PPP1R21: variants seen among roughly 807,000 people sequenced by gnomAD.
PPP1R21 encodes the protein KLRAQ motif containing 1.
In PPP1R21, 85 loss-of-function variants were observed where a neutral mutation model predicts 112.8. The observed-to-expected ratio is 0.75, with a 90% CI of 0.63 to 0.90. The LOEUF is 0.90. PPP1R21 is among the 40% of genes least tolerant of loss of function. The pLI is 0.00. For synonymous variants in PPP1R21, 381 were observed against 322.3 expected (o/e 1.18, Z -1.95); for missense variants, 1,199 against 901.5 (o/e 1.33, Z -4.23).
chr2:48,450,858 C>T, intron 1 of PPP1R21, 150 bp from the exon 2 acceptor site: 1 of 572,738 alleles, frequency 1.7e-6, no homozygotes, highest in Non-Finnish European at 3.2e-6. Flanking sequence ...ATCTACTACC[C>T]TCTTTGGGTC....
chr2:48,485,376 G>A (rs775410074), intron 13 of PPP1R21, among the ~76,000 whole-genome samples: 4 of 151,730 alleles, frequency 2.6e-5, no homozygotes, highest in Non-Finnish European at 4.4e-5. Context: ...TTATGACTAT[G>A]TTGAGCATAA....
intron 13 of PPP1R21, among the ~76,000 whole-genome samples, chr2:48,481,239 G>A (rs1013078353): frequency 2.0e-5 from 3 of 152,148 alleles, no homozygotes; most frequent in East Asian, 1.9e-4. Context: ...CCCACCTGCC[G>A]TGGCCTCCCA....
At chr2:48,469,460 T>C in intron 9 of PPP1R21, among the ~76,000 whole-genome samples, 1 of 40,274 alleles carries the variant, frequency 2.5e-5, no homozygotes, top group Admixed American at 3.0e-4. Context: ...AGCATATATA[T>C]ATATAGAGCA....
chr2:48,460,757 T>A (rs1399595015), intron 6 of PPP1R21, among the ~76,000 whole-genome samples: 1 of 152,196 alleles, frequency 6.6e-6, no homozygotes, highest in Non-Finnish European at 1.5e-5. Flanking sequence ...TAATACAGTA[T>A]GTACTTAAAA....
At chr2:48,481,963 G>C (rs897116758) in intron 13 of PPP1R21, among the ~76,000 whole-genome samples, 1 of 152,120 alleles carries the variant, frequency 6.6e-6, no homozygotes, top group Non-Finnish European at 1.5e-5. Flanking sequence ...ATATGTATAA[G>C]GTATATATGA....
intron 18 of PPP1R21, among the ~76,000 whole-genome samples, chr2:48,507,052 A>G (rs566657780): frequency 6.6e-6 from 1 of 152,152 alleles, no homozygotes; most frequent in Non-Finnish European, 1.5e-5. Flanking sequence ...TTGAAGCCAT[A>G]ACTTCATTCT....
At chr2:48,458,073 A>G (rs761612527) in intron 3 of PPP1R21, 53 bp from the exon 4 acceptor site, 2 of 1,134,910 alleles carry the variant, frequency 1.8e-6, no homozygotes, top group African/African-American at 1.5e-5. Context: ...GTACCTTAGG[A>G]TGTTTCTCTA....
At chr2:48,468,434 A>G (rs1177931166) in intron 9 of PPP1R21, among the ~76,000 whole-genome samples, 2 of 152,198 alleles carry the variant, frequency 1.3e-5, no homozygotes, top group African/African-American at 4.8e-5. Context: ...TGTGGGAAAA[A>G]GCTTTCAGAA....
At chr2:48,445,075 T>G (rs1326158464) in intron 1 of PPP1R21, among the ~76,000 whole-genome samples, 1 of 151,350 alleles carries the variant, frequency 6.6e-6, no homozygotes, top group African/African-American at 2.4e-5. Flanking sequence ...ACCTGATTTA[T>G]CACCTACTTT....
intron 13 of PPP1R21, among the ~76,000 whole-genome samples, chr2:48,485,140 A>G (rs1027633603): frequency 2.6e-5 from 4 of 152,160 alleles, no homozygotes; most frequent in African/African-American, 9.7e-5. Context: ...GAGTTCTGAA[A>G]ATAGAATTAC....
rs1670427782 is a variant in PPP1R21 at position 48,507,320 on chromosome 2, A to G, written c.2020A>G (p.Arg674Gly). Reference protein sequence around the residue: ...EDLIKNHYMARIVELTSQLQL... With the variant: ...EDLIKNHYMAGIVELTSQLQL... ...CTTAATTAAAAATCACTACATGGCA[A>G]GGATAGTGGAACTTACGTCTCAGTT... Residue 674 changes from arginine (R) to glycine (G), a missense_variant, in exon 19 of 22, where the codon AGG (arginine) becomes GGG (glycine). By Grantham distance (125) the Arg-to-Gly change is moderately radical (BLOSUM62 -2). Transcript: ENST00000294952. 1 of 1,590,050 alleles carries G rather than the reference A, an allele frequency of 6.3e-7. No homozygotes were observed. Among genetic ancestry groups the G allele is most frequent in the Non-Finnish European group, 8.5e-7 (1 of 1,171,788 alleles).
intron 17 of PPP1R21, among the ~76,000 whole-genome samples, chr2:48,503,713 C>T (rs1438262805): frequency 2.0e-5 from 3 of 151,534 alleles, no homozygotes; most frequent in Admixed American, 6.6e-5. Flanking sequence ...TTTGGGAGGC[C>T]GAGGCGGGTG....
chr2:48,505,682 C>G, intron 18 of PPP1R21, 86 bp downstream of exon 18: 1 of 1,163,024 alleles, frequency 8.6e-7, no homozygotes, highest in South Asian at 1.3e-5. Context: ...CCATCTTTGT[C>G]TAATTGTTGT....
chr2:48,462,425 T>C (rs979247059), intron 7 of PPP1R21, among the ~76,000 whole-genome samples: 4 of 152,232 alleles, frequency 2.6e-5, no homozygotes, highest in African/African-American at 9.6e-5. Context: ...GAAGGACATG[T>C]TACTGCTGGT....
chr2:48,500,810 G>C (rs1670076832), intron 17 of PPP1R21, among the ~76,000 whole-genome samples: 2 of 152,140 alleles, frequency 1.3e-5, no homozygotes, highest in South Asian at 4.1e-4. Flanking sequence ...TCGGGAGGCT[G>C]AGACAGGAGA....
intron 11 of PPP1R21, chr2:48,471,600 T>A (rs1668498206): frequency 2.4e-6 from 1 of 421,814 alleles, no homozygotes; most frequent in Non-Finnish European, 4.2e-6. Context: ...TGTACTGTGG[T>A]TACCATTATC....
intron 11 of PPP1R21, among the ~76,000 whole-genome samples, chr2:48,472,865 C>A (rs1222089154): frequency 2.0e-5 from 3 of 150,752 alleles, no homozygotes; most frequent in Non-Finnish European, 4.4e-5. Context: ...ATGGAAGAAT[C>A]ACTTGAGCCC....
At chr2:48,471,785 C>T (rs1383542989) in intron 11 of PPP1R21, among the ~76,000 whole-genome samples, 1 of 152,044 alleles carries the variant, frequency 6.6e-6, no homozygotes, top group Non-Finnish European at 1.5e-5. Flanking sequence ...CATTTAGTAA[C>T]CTTTGATATT....
intron 3 of PPP1R21, among the ~76,000 whole-genome samples, chr2:48,456,168 G>A (rs2103780848): frequency 6.6e-6 from 1 of 151,810 alleles, no homozygotes; most frequent in African/African-American, 2.4e-5. Flanking sequence ...TTGCCTTATG[G>A]TTTTATATGG....
Sources: allele counts gnomAD v4.1 joint callset (sites outside exome capture counted in the v4.1 genomes callset), GRCh38; gene constraint gnomAD v4.1.1; transcripts MANE v1.5; gene names NCBI Gene and HGNC (gene_info 2026-07-23, HGNC 2026-07-21).